PHF11: variants seen among roughly 807,000 people sequenced by gnomAD.
PHF11 encodes the protein BRCA1 C-terminus-associated protein.
In PHF11, 38 loss-of-function variants were observed where a neutral mutation model predicts 40.5. That is an observed-to-expected ratio of 0.94 (90% CI 0.72 to 1.23). PHF11 has a LOEUF of 1.23. Ranked by LOEUF, PHF11 falls within the 50% of genes most tolerant of loss-of-function variation. The probability of loss-of-function intolerance (pLI) is 0.00; values close to 1 mark genes in which losing one functional copy is unlikely to be tolerated. For missense variants in PHF11, 369 were observed against 392.4 expected, an observed-to-expected ratio of 0.94 and a Z score of 0.50; for synonymous variants, 127 against 138.2, an observed-to-expected ratio of 0.92 and a Z score of 0.57.
chr13:49,513,022 T>C (rs963553616), intron 2 of PHF11, 37 bp from the exon 3 acceptor site: 23 of 991,290 alleles, frequency 2.3e-5, no homozygotes, highest in Non-Finnish European at 3.6e-5. Context: ...TCAATATTAC[T>C]TTGTGCATAC....
chr13:49,520,711 A>G (rs756846365), intron 4 of PHF11, among the ~76,000 whole-genome samples, 183 bp from the exon 5 acceptor site: 55 of 152,148 alleles, frequency 3.6e-4, no homozygotes, highest in Non-Finnish European at 4.6e-4. Flanking sequence ...AAAGACATCT[A>G]ACTGAGTCTC....
chr13:49,509,331 G>C (rs1426491727), intron 2 of PHF11, among the ~76,000 whole-genome samples: 1 of 151,716 alleles, frequency 6.6e-6, no homozygotes, highest in Admixed American at 6.6e-5. Context: ...TCCTGCCTCA[G>C]CCTCCCAAGT....
intron 1 of PHF11, among the ~76,000 whole-genome samples, chr13:49,506,379 T>C (rs1199762123): frequency 6.6e-6 from 1 of 152,138 alleles, no homozygotes; most frequent in Non-Finnish European, 1.5e-5. Flanking sequence ...CTCTTGTCTC[T>C]ACATTTTAAA....
At chr13:49,506,566 A>G in intron 1 of PHF11, 69 bp from the exon 2 acceptor site, 1 of 1,424,902 alleles carries the variant, frequency 7.0e-7, no homozygotes, top group Non-Finnish European at 9.8e-7. Flanking sequence ...CCACTTGAAG[A>G]CTGGAAGAGG....
At chr13:49,500,017 A>T (rs756877701) in intron 1 of PHF11, among the ~76,000 whole-genome samples, 40 of 152,196 alleles carry the variant, frequency 2.6e-4, no homozygotes, top group Non-Finnish European at 8.8e-5. Flanking sequence ...GAGCCTCGGC[A>T]ATCCATTTCC....
At chr13:49,505,551 A>T (rs1958975894) in intron 1 of PHF11, among the ~76,000 whole-genome samples, 2 of 152,240 alleles carry the variant, frequency 1.3e-5, no homozygotes, top group South Asian at 2.1e-4. Context: ...ATTATAAATA[A>T]AAGCTGTTTT....
chr13:49,502,918 G>T (rs990034817), intron 1 of PHF11, among the ~76,000 whole-genome samples: 1 of 151,892 alleles, frequency 6.6e-6, no homozygotes, highest in Non-Finnish European at 1.5e-5. Flanking sequence ...TAGAGATGGG[G>T]TTTCACCATG....
Position 49,524,180 on chromosome 13 carries a change from C to G in PHF11, c.733C>G (p.Pro245Ala), listed in dbSNP as rs779191902. 1 of 1,609,384 alleles carries G rather than the reference C, an allele frequency of 6.2e-7. No homozygotes were observed. The highest frequency in any genetic ancestry group is 1.1e-5 in the South Asian group (1 of 90,850). The change falls in exon 8 of 10, where the codon CCA becomes GCA. Residue 245 changes from proline to alanine, a missense_variant. Physicochemically the swap from Pro to Ala is conservative, Grantham distance 27. Coordinates refer to ENST00000378319, the MANE Select transcript of PHF11 (RefSeq NM_001040443.3). ...AATATTAGACAAAGTTCATTCAATT[C>G]CAGAAAAACTCATGGATGAGACTAC... Reference protein sequence around the residue: ...EEILDKVHSIPEKLMDETTSE... With the variant: ...EEILDKVHSIAEKLMDETTSE...
At chr13:49,519,667 AG>A (rs1260103017) in intron 4 of PHF11, among the ~76,000 whole-genome samples, 1 of 113,958 alleles carries the variant, frequency 8.8e-6, no homozygotes, top group Non-Finnish European at 1.7e-5. Flanking sequence ...CGAGAGCAGG[AG>A]GGGTTACATG....
At chr13:49,513,849 C>G (rs1444640507) in intron 3 of PHF11, among the ~76,000 whole-genome samples, 1 of 152,148 alleles carries the variant, frequency 6.6e-6, no homozygotes, top group African/African-American at 2.4e-5. Context: ...CCTCTCTGGC[C>G]TCCTGTCCCC....
At position 49,523,176 on chromosome 13, in the gene PHF11, C is replaced by A; in HGVS notation, c.572C>A (p.Pro191Gln). 1 of 1,602,492 alleles carries A rather than the reference C, an allele frequency of 6.2e-7. No individual in the cohort carries two copies. The change falls in exon 7 of 10, where the codon CCA (proline) becomes CAA (glutamine). Residue 191 changes from proline to glutamine, a missense_variant and splice_region_variant. Coordinates refer to ENST00000378319, the MANE Select transcript of PHF11 (RefSeq NM_001040443.3). ...TGCAATCTTGATTTTCTCTCCTAGC[C>A]ACCCGAAACAATGAAATGTAATACA... ...KKPLSGNHVQ[P>Q]PETMKCNTFI...
intron 2 of PHF11, among the ~76,000 whole-genome samples, chr13:49,508,854 A>G (rs753790900): frequency 6.6e-6 from 1 of 152,184 alleles, no homozygotes; most frequent in Non-Finnish European, 1.5e-5. Flanking sequence ...TGCTTCTGAT[A>G]TTAATGGGAT....
At chr13:49,502,140 A>G (rs1958917909) in intron 1 of PHF11, among the ~76,000 whole-genome samples, 1 of 152,028 alleles carries the variant, frequency 6.6e-6, no homozygotes, top group Admixed American at 6.5e-5. Flanking sequence ...CCTCTACACA[A>G]AAATTTAAAA....
At chr13:49,518,983 C>G (rs111771945) in intron 4 of PHF11, 1 of 150,874 alleles carries the variant, frequency 6.6e-6, no homozygotes, top group Non-Finnish European at 1.5e-5. Flanking sequence ...CTACAGGCGC[C>G]CGCTACCACG....
At chr13:49,496,549 C>T in intron 1 of PHF11, 6 of 654,072 alleles carry the variant, frequency 9.2e-6, no homozygotes, top group South Asian at 6.8e-5. Flanking sequence ...GACTGGAACC[C>T]GTCTCCCCTT....
chr13:49,496,532 AGG>A, intron 1 of PHF11: 5 of 785,868 alleles, frequency 6.4e-6, no homozygotes, highest in Non-Finnish European at 6.2e-6. Context: ...ACGTTCACGG[AGG>A]ACGTGACTGG....
intron 8 of PHF11, chr13:49,525,626 T>G (rs1475970724): frequency 3.4e-6 from 1 of 293,784 alleles, no homozygotes; most frequent in Non-Finnish European, 6.7e-6. Context: ...AAGGACAAGC[T>G]GGACAGCTTA....
At position 49,518,028 on chromosome 13, in the gene PHF11, T is replaced by G. The variant is rs746499045; in HGVS notation, c.335T>G (p.Phe112Cys). ...IQRGRKLKCK[F>C]CHKRGATVGC... ...TCTATTCTTCTGTAGAAATGCAAATTTTGTCATAAAAGAGGAGCCACCGTG... is the reference window on the plus strand; with the variant it reads ...TCTATTCTTCTGTAGAAATGCAAATGTTGTCATAAAAGAGGAGCCACCGTG... Residue 112 changes from phenylalanine to cysteine, a missense_variant, in exon 4 of 10, where the codon TTT (phenylalanine) becomes TGT (cysteine). Transcript: ENST00000378319. 12 of 1,540,446 alleles carry G rather than the reference T, an allele frequency of 7.8e-6. No individual in the cohort carries two copies. The African/African-American group carries it at 1.5e-4, about 19-fold the overall frequency.
chr13:49,516,045 T>C (rs1386248875), intron 3 of PHF11, among the ~76,000 whole-genome samples: 1 of 152,162 alleles, frequency 6.6e-6, no homozygotes, highest in Non-Finnish European at 1.5e-5. Flanking sequence ...TTAGAATGTC[T>C]TTCCTCCTCC....
Sources: gnomAD v4.1 joint callset for allele counts (sites outside exome capture counted in the v4.1 genomes callset) on GRCh38, gnomAD v4.1.1 for gene constraint, MANE v1.5 for transcripts, NCBI Gene and HGNC (gene_info 2026-07-23, HGNC 2026-07-21) for gene names.